Variants in BNC2 observed in about 807,000 individuals in gnomAD.
The protein encoded by BNC2 is basonuclin zinc finger protein 2.
In BNC2, 20 loss-of-function variants were observed where a neutral mutation model predicts 76.3. The ratio of observed to expected loss-of-function variants is 0.26; its 90% confidence interval spans 0.18 to 0.38. BNC2 has a LOEUF of 0.38. BNC2 is among the 10% of genes least tolerant of loss of function. BNC2 has a pLI of 1.00. For missense variants in BNC2, 1,382 were observed against 1,399.8 expected (o/e 0.99, Z 0.20); for synonymous variants, 582 against 514.8 (o/e 1.13, Z -1.77).
intron 1 of BNC2, among the ~76,000 whole-genome samples, chr9:16,765,720 G>A (rs780171549): frequency 1.8e-4 from 28 of 151,438 alleles, no homozygotes; most frequent in Non-Finnish European, 2.4e-4. Context: ...ATGAAACTGT[G>A]TATTAAGCTT....
At chr9:16,807,375 TC>T (rs1817940372) in intron 1 of BNC2, among the ~76,000 whole-genome samples, 1 of 152,194 alleles carries the variant, frequency 6.6e-6, no homozygotes, top group Non-Finnish European at 1.5e-5. Context: ...ACCCAAATCT[TC>T]TTCTAAATCT....
intron 3 of BNC2, among the ~76,000 whole-genome samples, chr9:16,647,058 T>C (rs945651913): frequency 3.3e-5 from 5 of 152,126 alleles, no homozygotes; most frequent in African/African-American, 7.2e-5. Flanking sequence ...AAGAGGAGAA[T>C]GATGGTTGAT....
At chr9:16,460,010 A>AT (rs1469329669) in intron 5 of BNC2, among the ~76,000 whole-genome samples, 3 of 152,170 alleles carry the variant, frequency 2.0e-5, no homozygotes, top group African/African-American at 7.2e-5. Context: ...TTGTCAGGTA[A>AT]TTTTTTGTTT....
intron 1 of BNC2, among the ~76,000 whole-genome samples, chr9:16,837,047 G>C (rs1818723705): frequency 6.6e-6 from 1 of 152,082 alleles, no homozygotes; most frequent in Non-Finnish European, 1.5e-5. Context: ...ATCTCAGGTG[G>C]GGGACTACAT....
chr9:16,743,322 C>A (rs1387606632), intron 1 of BNC2, among the ~76,000 whole-genome samples: 2 of 151,684 alleles, frequency 1.3e-5, no homozygotes, highest in African/African-American at 4.8e-5. Flanking sequence ...TTTTTTTTCC[C>A]CATGTTTGGT....
intron 1 of BNC2, among the ~76,000 whole-genome samples, chr9:16,836,753 A>G (rs1481421968): frequency 7.2e-5 from 11 of 152,264 alleles, no homozygotes; most frequent in Admixed American, 3.3e-4. Flanking sequence ...AAATTATCTA[A>G]TAATACTTTT....
intron 2 of BNC2, among the ~76,000 whole-genome samples, chr9:16,737,838 C>T (rs781648813): frequency 2.0e-5 from 3 of 151,924 alleles, no homozygotes; most frequent in Non-Finnish European, 2.9e-5. Context: ...AGTGGCTGGG[C>T]TAAGGGACAC....
intron 1 of BNC2, among the ~76,000 whole-genome samples, chr9:16,856,701 G>A (rs1357817463): frequency 6.6e-6 from 1 of 152,160 alleles, no homozygotes; most frequent in Non-Finnish European, 1.5e-5. Flanking sequence ...TGCACATTAA[G>A]GCAAATTAAT....
intron 3 of BNC2, among the ~76,000 whole-genome samples, chr9:16,650,155 A>C (rs1443575432): frequency 6.6e-6 from 1 of 152,224 alleles, no homozygotes; most frequent in Admixed American, 6.5e-5. Flanking sequence ...TAAAGGCATA[A>C]TGTCATTCAC....
At chr9:16,747,379 C>T (rs1014206538) in intron 1 of BNC2, among the ~76,000 whole-genome samples, 1 of 152,134 alleles carries the variant, frequency 6.6e-6, no homozygotes, top group Non-Finnish European at 1.5e-5. Flanking sequence ...ATCCAGAGCT[C>T]TTAGGAAATT....
chr9:16,769,760 C>G (rs938287465), intron 1 of BNC2, among the ~76,000 whole-genome samples: 31 of 152,148 alleles, frequency 2.0e-4, no homozygotes, highest in Admixed American at 1.7e-3. Flanking sequence ...ATGCCTGGCA[C>G]ACAATAAGCA....
intron 5 of BNC2, among the ~76,000 whole-genome samples, chr9:16,528,836 G>T (rs142574496): frequency 1.3e-5 from 2 of 152,130 alleles, no homozygotes; most frequent in African/African-American, 4.8e-5. Context: ...CTATACTAAC[G>T]TGGAAAGAGG....
chr9:16,474,846 C>T (rs936902868), intron 5 of BNC2, among the ~76,000 whole-genome samples: 1 of 152,120 alleles, frequency 6.6e-6, no homozygotes, highest in East Asian at 1.9e-4. Context: ...ATTAAAAAAA[C>T]CCATGATGAA....
Position 16,471,584 on chromosome 9 carries a change from A to G in BNC2, c.670-34060T>C, listed in dbSNP as rs375327509. Among the ~76,000 whole-genome samples the G allele has an allele frequency of 6.1e-4, 93 of 152,158 alleles. 2 individuals carry two copies. In the South Asian group the frequency reaches 0.018, roughly 29 times the overall value. On this transcript the variant is annotated intron_variant, in intron 5 of 6. Transcript: ENST00000380672. ...CAGGATTACAGGCGTGAGCCACTGC[A>G]CCCAGCTGCTTGCTTTTGATTTTAC...
intron 3 of BNC2, among the ~76,000 whole-genome samples, chr9:16,710,162 T>C (rs1312081132): frequency 6.6e-6 from 1 of 151,972 alleles, no homozygotes. Flanking sequence ...GAAGCTTGAA[T>C]CTCTTCCCCT....
In BNC2 at chr9:16,727,695, A is replaced by T. The variant is rs906308469; in HGVS notation, c.330+102T>A. 2.4e-5 allele frequency: 25 copies of T among 1,049,140 alleles called. No individual in the cohort carries two copies. The Admixed American group carries it at 4.2e-4, about 18-fold the overall frequency. 65.0% of individuals were successfully genotyped at this position (1,049,140 alleles called of 1,614,324 possible). A position where few individuals can be genotyped will look rare whatever the true frequency, so the allele number is the denominator to read the frequency against. On this transcript the variant is annotated intron_variant, in intron 3 of 6. Coordinates refer to ENST00000380672, the MANE Select transcript of BNC2 (RefSeq NM_017637.6). ...CCTAACTAGGAAGTGACCACATTTT[A>T]AAAAGTATTTAGAAAGAAAAACACC...
intron 3 of BNC2, among the ~76,000 whole-genome samples, chr9:16,680,772 A>T (rs1822799710): frequency 1.3e-5 from 2 of 151,800 alleles, no homozygotes; most frequent in African/African-American, 4.8e-5. Flanking sequence ...TTCCAAGCAG[A>T]TGCAAAAGGC....
chr9:16,675,105 C>T (rs10962533), intron 3 of BNC2, among the ~76,000 whole-genome samples: 2,224 of 152,308 alleles, frequency 0.015, 25 homozygotes, highest in South Asian at 0.048. Context: ...CACAGGGAAA[C>T]CTGCCAAGAC....
intron 3 of BNC2, among the ~76,000 whole-genome samples, chr9:16,625,356 A>T (rs1820964549): frequency 2.0e-5 from 3 of 152,080 alleles, no homozygotes. Flanking sequence ...CCCAACTGGC[A>T]GGGCCACCTG....
Sources: gnomAD v4.1 joint callset for allele counts (sites outside exome capture counted in the v4.1 genomes callset) on GRCh38, gnomAD v4.1.1 for gene constraint, MANE v1.5 for transcripts, NCBI Gene and HGNC (gene_info 2026-07-23, HGNC 2026-07-21) for gene names.